CCDC73: variants seen among roughly 807,000 people sequenced by gnomAD.
CCDC73 encodes coiled-coil domain containing 73.
A neutral mutation model predicts 116.5 loss-of-function variants in CCDC73; 95 were observed. The ratio of observed to expected loss-of-function variants is 0.82; its 90% CI spans 0.69 to 0.97. The LOEUF (loss-of-function observed/expected upper bound fraction) is 0.97, where lower values mean the gene tolerates loss of function less well. Among genes scored for constraint, CCDC73 ranks in the 50% least tolerant of loss-of-function variants. The pLI is 0.00. For synonymous variants in CCDC73, 398 were observed against 401.3 expected (o/e 0.99, Z 0.10); for missense variants, 1,066 against 1,206.8 (o/e 0.88, Z 1.73).
chr11:32,606,686 G>A (rs1006629986), intron 17 of CCDC73, among the ~76,000 whole-genome samples: 1 of 151,754 alleles, frequency 6.6e-6, no homozygotes, highest in Admixed American at 6.6e-5. Context: ...TCTAGCCTAG[G>A]TCCACCACAT....
chr11:32,641,971 C>T lies in CCDC73; in HGVS notation c.1050+1G>A. ...AATATTTTTCTATTTAATAAACTTA[C>T]ATGTCTTTTCCAAGTTCCTAGTGCT... is the stretch of plus-strand genomic sequence containing the variant. On this transcript the variant is annotated splice_donor_variant, in intron 13 of 17. Transcript: ENST00000335185. LOFTEE classifies it high-confidence loss of function. 1.3e-6 allele frequency: 2 copies of T among 1,482,918 alleles called. No individual in the cohort carries two copies. Among genetic ancestry groups the T allele is most frequent in the Non-Finnish European group, 1.8e-6 (2 of 1,113,612 alleles). The allele number at this position is 1,482,918 out of a possible 1,614,324, so 91.9% of individuals were successfully genotyped here.
At chr11:32,650,615 T>G (rs1341086045) in intron 12 of CCDC73, among the ~76,000 whole-genome samples, 1 of 152,158 alleles carries the variant, frequency 6.6e-6, no homozygotes, top group Non-Finnish European at 1.5e-5. Context: ...AGAGAAACTT[T>G]TTTTGCTAGT....
intron 2 of CCDC73, among the ~76,000 whole-genome samples, chr11:32,730,170 A>T (rs931102202): frequency 7.2e-5 from 11 of 152,244 alleles, no homozygotes; most frequent in African/African-American, 2.7e-4. Flanking sequence ...TTGACAGAAG[A>T]ATGTTGTGGT....
intron 6 of CCDC73, among the ~76,000 whole-genome samples, chr11:32,685,718 C>CTTT (rs149696866): frequency 1.4e-4 from 13 of 90,682 alleles, no homozygotes; most frequent in African/African-American, 3.1e-4. Flanking sequence ...CCTGACTTAG[C>CTTT]TTTTTTTTTT....
intron 2 of CCDC73, among the ~76,000 whole-genome samples, chr11:32,739,703 G>T (rs1054570283): frequency 1.3e-5 from 2 of 151,878 alleles, no homozygotes; most frequent in Non-Finnish European, 2.9e-5. Flanking sequence ...TTGTCTGATT[G>T]CTCTAGCTAG....
chr11:32,711,576 C>CTA (rs1014735297), intron 3 of CCDC73, among the ~76,000 whole-genome samples: 17 of 151,996 alleles, frequency 1.1e-4, no homozygotes, highest in African/African-American at 4.1e-4. Flanking sequence ...ACACAAAGGC[C>CTA]TAAGAATAAT....
Position 32,614,380 on chromosome 11 carries a change from A to G in CCDC73, c.1938T>C (p.Ser646=). 1 of 1,613,048 alleles carries G rather than the reference A, an allele frequency of 6.2e-7. No individual in the cohort carries two copies. The highest frequency in any genetic ancestry group is 8.5e-7 in the Non-Finnish European group (1 of 1,179,384). ...ACATAACATTACTTGAATTCCGTAA[A>G]CTATATTTCTGACATGGAACAGGAT... is the stretch of plus-strand genomic sequence containing the variant. ...KKNPVPCQKY[S]LRNSSNVMLD... Residue 646 remains serine, a synonymous_variant, in exon 16 of 18, where the codon AGT becomes AGC. Transcript: ENST00000335185.
chr11:32,771,320 A>G (rs1316323719), intron 1 of CCDC73, among the ~76,000 whole-genome samples: 6 of 152,178 alleles, frequency 3.9e-5, no homozygotes, highest in Admixed American at 3.9e-4. Context: ...CAAACAGCTA[A>G]GCCAAGAATC....
At chr11:32,750,001 G>C (rs1478269052) in intron 2 of CCDC73, among the ~76,000 whole-genome samples, 1 of 151,468 alleles carries the variant, frequency 6.6e-6, no homozygotes, top group Non-Finnish European at 1.5e-5. Context: ...CTCCCAAGTA[G>C]CTGGGATTAC....
chr11:32,783,881 G>A (rs892082875), intron 1 of CCDC73, among the ~76,000 whole-genome samples: 14 of 152,216 alleles, frequency 9.2e-5, no homozygotes, highest in African/African-American at 3.4e-4. Context: ...TACGAAGACA[G>A]AGAGCAACCA....
chr11:32,796,839 G>A (rs573227906), upstream of CCDC73, among the ~76,000 whole-genome samples: 3 of 151,758 alleles, frequency 2.0e-5, no homozygotes, highest in South Asian at 2.1e-4. Context: ...GAGAAACCCC[G>A]TCTCTACAAA....
chr11:32,721,548 A>G (rs1377806729), intron 2 of CCDC73, among the ~76,000 whole-genome samples: 1 of 152,132 alleles, frequency 6.6e-6, no homozygotes, highest in Non-Finnish European at 1.5e-5. Context: ...AGTAGATATT[A>G]ACATATAAAA....
intron 4 of CCDC73, 147 bp downstream of exon 4, chr11:32,702,726 G>T: frequency 1.5e-6 from 1 of 651,470 alleles, no homozygotes; most frequent in Non-Finnish European, 2.8e-6. Context: ...GATTAAAAAT[G>T]ATTTTATTCA....
At chr11:32,805,735 C>G in the CCDC73 span, among the ~76,000 whole-genome samples, 4 of 152,120 alleles carry the variant, frequency 2.6e-5, no homozygotes, top group Non-Finnish European at 4.4e-5. Context: ...CTAGACCAGT[C>G]TTGGGAAAAG....
chr11:32,656,932 T>C (rs1229358309), intron 9 of CCDC73, among the ~76,000 whole-genome samples: 1 of 152,236 alleles, frequency 6.6e-6, no homozygotes, highest in Non-Finnish European at 1.5e-5. Flanking sequence ...ATGTGATTAG[T>C]ATTTTCTATT....
chr11:32,656,028 C>A (rs1007998731), intron 9 of CCDC73, among the ~76,000 whole-genome samples: 2 of 151,938 alleles, frequency 1.3e-5, no homozygotes. Context: ...AAAGTTAGTA[C>A]CTGGCATCTT....
the CCDC73 span, among the ~76,000 whole-genome samples, chr11:32,820,532 G>T: frequency 1.3e-4 from 20 of 152,156 alleles, no homozygotes; most frequent in African/African-American, 4.8e-4. Context: ...TGTAATTAGA[G>T]AATTACTCAT....
intron 14 of CCDC73, among the ~76,000 whole-genome samples, chr11:32,629,443 T>C (rs1590554585): frequency 1.3e-5 from 2 of 152,030 alleles, no homozygotes; most frequent in South Asian, 4.2e-4. Flanking sequence ...GAGGCGGAGT[T>C]TGCCCAGGCT....
In CCDC73 at chr11:32,747,386, T is replaced by G. The variant is rs577934348; in HGVS notation, c.135+12723A>C. 4.0e-5 allele frequency among the ~76,000 whole-genome samples: 6 copies of G among 151,802 alleles called. 1 individual carries two copies. Among genetic ancestry groups the G allele is most frequent in the Admixed American group, 3.9e-4 (6 of 15,240 alleles). ...GATCTCCCAGTCAGGCTAAAGGGGG[T>G]CAGGGACCCATTTGAGGCAGTCTGT... On this transcript the variant is annotated intron_variant, in intron 2 of 17. Coordinates refer to ENST00000335185, the MANE Select transcript of CCDC73 (RefSeq NM_001008391.4).
Sources: allele counts gnomAD v4.1 joint callset (sites outside exome capture counted in the v4.1 genomes callset), GRCh38; gene constraint gnomAD v4.1.1; transcripts MANE v1.5; gene names NCBI Gene and HGNC (gene_info 2026-07-23, HGNC 2026-07-21).